Variants in IREB2 observed in about 807,000 individuals in gnomAD.
IREB2 encodes iron responsive element binding protein 2, also known as iron-responsive element-binding protein 2.
Under a neutral mutation model 118.8 loss-of-function variants are expected in IREB2, and 39 were observed. That is an observed-to-expected ratio of 0.33 (90% CI 0.25 to 0.43). IREB2 has a LOEUF of 0.43. Ranked by LOEUF, IREB2 falls within the 20% of genes least tolerant of loss-of-function variation. IREB2 has a pLI of 1.00. For synonymous variants in IREB2, 372 were observed against 392.2 expected, an observed-to-expected ratio of 0.95 and a Z score of 0.61; for missense variants, 900 against 1,147.3, an observed-to-expected ratio of 0.78 and a Z score of 3.11.
chr15:78,456,188 G>A (rs1311296487), intron 2 of IREB2, among the ~76,000 whole-genome samples: 1 of 152,126 alleles, frequency 6.6e-6, no homozygotes, highest in Non-Finnish European at 1.5e-5. Flanking sequence ...AGTATTATTG[G>A]TATCATCTTG....
chr15:78,468,411 T>C (rs555289066), intron 5 of IREB2, among the ~76,000 whole-genome samples: 2 of 151,998 alleles, frequency 1.3e-5, no homozygotes, highest in South Asian at 2.1e-4. Context: ...GCCTGACTTA[T>C]TTTATCTACC....
chr15:78,462,838 T>C (rs1343070479), intron 2 of IREB2, 84 bp from the exon 3 acceptor site: 3 of 1,049,932 alleles, frequency 2.9e-6, no homozygotes, highest in Non-Finnish European at 2.7e-6. Context: ...TTTTTGTCTT[T>C]GTCTAACTTT....
chr15:78,454,909 C>T (rs562720740), intron 2 of IREB2, among the ~76,000 whole-genome samples: 12 of 152,102 alleles, frequency 7.9e-5, no homozygotes, highest in African/African-American at 2.7e-4. Flanking sequence ...CCAGGTTGTC[C>T]GAATTCCTAG....
At chr15:78,472,029 G>A in intron 7 of IREB2, 105 bp downstream of exon 7, 1 of 788,514 alleles carries the variant, frequency 1.3e-6, no homozygotes, top group South Asian at 3.0e-5. Flanking sequence ...TTGAGGCTCT[G>A]TGTTTTTCAT....
intron 16 of IREB2, 122 bp from the exon 17 acceptor site, chr15:78,490,300 C>A: frequency 1.7e-6 from 1 of 576,652 alleles, no homozygotes; most frequent in Admixed American, 3.4e-5. Context: ...TGGATAAGGC[C>A]TATTTTTGTT....
Position 78,464,497 on chromosome 15 carries a change from T to G in IREB2, c.273-754T>G, listed in dbSNP as rs576868642. ...CCGCATAAGAAATAAATGATATTTC[T>G]TACACCATTTATTCAGAAACTGCTT... On this transcript the variant is annotated intron_variant, in intron 3 of 21. Transcript: ENST00000258886. 6.1e-4 allele frequency among the ~76,000 whole-genome samples: 93 copies of G among 152,340 alleles called. No individual in the cohort carries two copies. In the Middle Eastern group the frequency reaches 0.01, roughly 17 times the overall value.
intron 10 of IREB2, among the ~76,000 whole-genome samples, chr15:78,479,710 A>G (rs1337017957): frequency 6.6e-6 from 1 of 152,186 alleles, no homozygotes; most frequent in Non-Finnish European, 1.5e-5. Context: ...AAAGGTATAC[A>G]CTATTATGCA....
intron 2 of IREB2, among the ~76,000 whole-genome samples, chr15:78,457,768 A>G (rs1253756752): frequency 1.3e-5 from 2 of 151,942 alleles, no homozygotes; most frequent in African/African-American, 4.8e-5. Context: ...TAGTGGGTTT[A>G]TAACTTTTAT....
At position 78,500,222 on chromosome 15, in the gene IREB2, G is replaced by A. The variant is rs1165970771; in HGVS notation, c.*2079G>A. ...CAGGCATCCTCAGCAGCTGATTCAG[G>A]AGATGATGGTAAAGCTAGCTAACTA... On this transcript the variant is annotated 3_prime_UTR_variant, in exon 22 of 22. Transcript: ENST00000258886. The A allele has an allele frequency of 6.6e-6, 1 of 152,172 alleles. No homozygotes were observed. Among genetic ancestry groups the A allele is most frequent in the Admixed American group, 6.5e-5 (1 of 15,268 alleles). 9.4% of individuals were successfully genotyped at this position (152,172 alleles called of 1,614,324 possible). A position where few individuals can be genotyped will look rare whatever the true frequency, so the allele number is the denominator to read the frequency against.
chr15:78,475,460 A>G (rs1189639124), intron 8 of IREB2: 3 of 152,244 alleles, frequency 2.0e-5, no homozygotes, highest in South Asian at 4.1e-4. Flanking sequence ...TATAGCCAAT[A>G]TATAATTTTT....
Position 78,471,857 on chromosome 15 carries a change from C to G in IREB2, c.816C>G (p.Phe272Leu), listed in dbSNP as rs376011164. The change falls in exon 7 of 22, where the codon TTC (phenylalanine) becomes TTG (leucine). Residue 272 changes from phenylalanine to leucine, a missense_variant. Coordinates refer to ENST00000258886, the MANE Select transcript of IREB2 (RefSeq NM_004136.4). ...RVVFEEKDLL[F>L]PDSVVGTDSH... ...TTTTTGAAGAAAAAGACCTCCTCTT[C>G]CCAGACAGTGTAGTCGGCACAGATT... The G allele has an allele frequency of 1.6e-4, 263 of 1,613,564 alleles. No individual in the cohort carries two copies. Among genetic ancestry groups the G allele is most frequent in the Non-Finnish European group, 2.1e-4 (244 of 1,179,762 alleles).
chr15:78,497,354 T>A (rs1333004189), intron 21 of IREB2, 43 bp downstream of exon 21: 3 of 1,329,866 alleles, frequency 2.3e-6, no homozygotes, highest in Non-Finnish European at 3.2e-6. Context: ...CACTCAAATG[T>A]TTATGAATTA....
rs1373846750 is a variant in IREB2 at position 78,466,498 on chromosome 15, T to C, written c.629+9T>C. The C allele has an allele frequency of 1.2e-5, 19 of 1,587,716 alleles. No homozygotes were observed. Among genetic ancestry groups the C allele is most frequent in the Non-Finnish European group, 1.4e-5 (16 of 1,156,636 alleles). ...TTGCAACCAGTGCCTGAGTATGAGA[T>C]TGTTTTTCTTAAAGTTTATTAATAC... On this transcript the variant is annotated intron_variant, in intron 5 of 21. Transcript: ENST00000258886.
chr15:78,442,256 TAA>T (rs1567160225), intron 2 of IREB2, among the ~76,000 whole-genome samples: 2 of 152,192 alleles, frequency 1.3e-5, no homozygotes, highest in Non-Finnish European at 2.9e-5. Context: ...ATTACTTAAG[TAA>T]TTTCCTAATA....
At chr15:78,446,993 CT>C (rs767201491) in intron 2 of IREB2, among the ~76,000 whole-genome samples, 47 of 152,162 alleles carry the variant, frequency 3.1e-4, no homozygotes, top group African/African-American at 1.1e-3. Flanking sequence ...AGAAAAAAAA[CT>C]TTCTTCTACA....
At chr15:78,483,537 A>G (rs2051610911) in intron 11 of IREB2, 103 bp downstream of exon 11, 6 of 696,896 alleles carry the variant, frequency 8.6e-6, no homozygotes, top group Middle Eastern at 2.5e-4. Flanking sequence ...TATGTTTTAT[A>G]TATTATGGCA....
intron 8 of IREB2, chr15:78,475,248 C>T (rs1309168171): frequency 2.0e-5 from 3 of 152,028 alleles, no homozygotes; most frequent in African/African-American, 7.2e-5. Flanking sequence ...GTCACTCTTC[C>T]TATACCAATC....
chr15:78,440,672 T>C (rs1020190787), intron 2 of IREB2, among the ~76,000 whole-genome samples: 6 of 152,368 alleles, frequency 3.9e-5, no homozygotes, highest in Middle Eastern at 3.4e-3. Context: ...TGGCCTGTTT[T>C]ACTTTGTCAA....
chr15:78,476,399 T>A (rs1439727000), intron 9 of IREB2, 40 bp downstream of exon 9: 1 of 1,349,616 alleles, frequency 7.4e-7, no homozygotes, highest in Admixed American at 2.0e-5. Flanking sequence ...CATGTTACAT[T>A]TCCAATGTGT....
Sources: allele counts gnomAD v4.1 joint callset (sites outside exome capture counted in the v4.1 genomes callset), GRCh38; gene constraint gnomAD v4.1.1; transcripts MANE v1.5; gene names NCBI Gene and HGNC (gene_info 2026-07-23, HGNC 2026-07-21).